Variants in STEAP3 observed in about 807,000 individuals in gnomAD.
STEAP3 encodes the protein metalloreductase STEAP3.
Under a neutral mutation model 34.9 loss-of-function variants are expected in STEAP3, and 35 were observed. That is an observed-to-expected ratio of 1.00 (90% CI 0.76 to 1.33). STEAP3 has a LOEUF of 1.33. Among genes scored for constraint, STEAP3 ranks in the 40% most tolerant of loss-of-function variants. The probability of loss-of-function intolerance (pLI) is 0.00; values close to 1 mark genes in which losing one functional copy is unlikely to be tolerated. For missense variants in STEAP3, 652 were observed against 667.6 expected (o/e 0.98, Z 0.26); for synonymous variants, 281 against 301.6 (o/e 0.93, Z 0.71).
At chr2:119,251,050 C>A (rs911253413) in intron 4 of STEAP3, among the ~76,000 whole-genome samples, 4 of 152,150 alleles carry the variant, frequency 2.6e-5, no homozygotes, top group Non-Finnish European at 5.9e-5. Flanking sequence ...GGGAGGTGCC[C>A]AAGCCTGGGC....
rs1350085938 is a variant in STEAP3, at chr2:119,248,774, G to A, written c.1050+568G>A. On this transcript the variant is annotated intron_variant, in intron 4 of 5. Coordinates refer to ENST00000393110, the MANE Select transcript of STEAP3 (RefSeq NM_182915.3). The stretch of plus-strand genomic sequence containing the variant: ...AGAGCTTCAGCCTTAGGCTCCGAGT[G>A]AAATAGGGAGCTGGTGAAGGTTTGA... The A allele has an allele frequency of 2.6e-5, 4 of 152,674 alleles. No homozygotes were observed. The East Asian group carries it at 7.7e-4, about 29-fold the overall frequency. The allele number at this position is 152,674 out of a possible 1,614,324, so 9.5% of individuals were successfully genotyped here. A position where few individuals can be genotyped will look rare whatever the true frequency, so the allele number is the denominator to read the frequency against.
intron 1 of STEAP3, among the ~76,000 whole-genome samples, chr2:119,228,040 G>A (rs1679096999): frequency 6.6e-6 from 1 of 152,060 alleles, no homozygotes; most frequent in African/African-American, 2.4e-5. Context: ...ATGTTGGCCA[G>A]GCTGGTTTTG....
chr2:119,254,547 C>T (rs1018726080), intron 4 of STEAP3, 137 bp from the exon 5 acceptor site: 15 of 919,122 alleles, frequency 1.6e-5, no homozygotes, highest in Admixed American at 8.6e-5. Context: ...GCCTGAGAAA[C>T]GCTTATCACA....
At position 119,247,769 on chromosome 2, in the gene STEAP3, C is replaced by G. The variant is rs528158589; in HGVS notation, c.613C>G (p.Leu205Val). ...CTTCATGCCCGTGGACATGGGATCC[C>G]TGGCGTCAGCCTGGGAGGTGGAGGC... The part of the protein sequence containing the change: ...MGFMPVDMGS[L>V]ASAWEVEAMP... Residue 205 changes from leucine (L) to valine (V), a missense_variant, in exon 4 of 6, where the codon CTG becomes GTG. Leu to Val is a conservative substitution (Grantham distance 32). Transcript: ENST00000393110. 8 of 1,606,662 alleles carry G rather than the reference C, an allele frequency of 5.0e-6. No homozygotes were observed. In the East Asian group the frequency reaches 1.8e-4, roughly 36 times the overall value.
intron 4 of STEAP3, among the ~76,000 whole-genome samples, chr2:119,250,272 C>A (rs1409918282): frequency 6.6e-6 from 1 of 152,246 alleles, no homozygotes; most frequent in Admixed American, 6.5e-5. Context: ...CACAGACCAT[C>A]TGGCTCCTCG....
rs1256805071 is a variant in STEAP3, at chr2:119,246,086, A to C, written c.522+98A>C. ...ATGCTCTTTTTGATATGTTATCATA[A>C]CTAATCCTGCATCACTGCAAAATTC... is the stretch of plus-strand genomic sequence containing the variant. On this transcript the variant is annotated intron_variant, in intron 3 of 5. Transcript: ENST00000393110. The C allele has an allele frequency of 6.2e-6, 9 of 1,449,558 alleles. No individual in the cohort carries two copies. The East Asian group carries it at 1.8e-4, about 29-fold the overall frequency. 89.8% of individuals were successfully genotyped at this position (1,449,558 alleles called of 1,614,324 possible).
intron 1 of STEAP3, among the ~76,000 whole-genome samples, chr2:119,226,351 G>A (rs1679040278): frequency 6.6e-6 from 1 of 152,222 alleles, no homozygotes; most frequent in Non-Finnish European, 1.5e-5. Flanking sequence ...AGCAGGTTGA[G>A]CACTATGAAA....
chr2:119,225,939 C>T lies in STEAP3; in HGVS notation c.-394+2051C>T, dbSNP rs536323588. On this transcript the variant is annotated intron_variant, in intron 1 of 5. Coordinates refer to ENST00000393110, the MANE Select transcript of STEAP3 (RefSeq NM_182915.3). Reference sequence around the variant, plus strand: ...TAGGAGTGCAGTAAATATCGGATCCCTCCTTCTTCACCTCAGGTTTGCGAG... The same window carrying T: ...TAGGAGTGCAGTAAATATCGGATCCTTCCTTCTTCACCTCAGGTTTGCGAG... 2.3e-3 allele frequency among the ~76,000 whole-genome samples: 347 copies of T among 152,354 alleles called. 2 individuals carry two copies. The highest frequency in any genetic ancestry group is 8.0e-3 in the African/African-American group (332 of 41,584).
At chr2:119,260,946 A>G (rs1189902540) in intron 5 of STEAP3, among the ~76,000 whole-genome samples, 2 of 152,226 alleles carry the variant, frequency 1.3e-5, no homozygotes, top group Non-Finnish European at 2.9e-5. Flanking sequence ...GTGAGGAAGG[A>G]TAGAGAAGGT....
chr2:119,232,269 G>T (rs1471791447), intron 2 of STEAP3, among the ~76,000 whole-genome samples: 1 of 152,162 alleles, frequency 6.6e-6, no homozygotes, highest in Non-Finnish European at 1.5e-5. Context: ...AGTGGATCCG[G>T]GGCAGGCAAG....
chr2:119,243,500 C>T (rs372695642), intron 2 of STEAP3, among the ~76,000 whole-genome samples: 2 of 152,212 alleles, frequency 1.3e-5, no homozygotes, highest in East Asian at 1.9e-4. Flanking sequence ...CCTCAGTTCC[C>T]TCCTCTGTAA....
chr2:119,235,800 G>T (rs1677077899), intron 2 of STEAP3, among the ~76,000 whole-genome samples: 1 of 152,168 alleles, frequency 6.6e-6, no homozygotes, highest in African/African-American at 2.4e-5. Flanking sequence ...TCCTTGCAAG[G>T]GTAAGTGGCC....
At chr2:119,245,353 C>T in intron 2 of STEAP3, 136 bp from the exon 3 acceptor site, 3 of 1,290,940 alleles carry the variant, frequency 2.3e-6, no homozygotes. Flanking sequence ...CTGGTGCTGA[C>T]ACGTGGTAGC....
intron 1 of STEAP3, among the ~76,000 whole-genome samples, chr2:119,227,627 G>A (rs945592425): frequency 5.3e-5 from 8 of 151,986 alleles, no homozygotes; most frequent in African/African-American, 2.4e-5. Context: ...TATTAAACAC[G>A]TTAAAAAAAT....
chr2:119,263,205 C>T lies in STEAP3; in HGVS notation c.1364C>T (p.Ala455Val), dbSNP rs754125354. The change falls in exon 6 of 6, where the codon GCC becomes GTC. Residue 455 changes from alanine to valine, a missense_variant. Physicochemically the swap from Ala to Val is moderately conservative, Grantham distance 64. Transcript: ENST00000393110. The stretch of plus-strand genomic sequence containing the variant: ...CTGGTGCCCTGCGTCGTCATCCTGG[C>T]CAAAGCCCTGTTTCTCCTGCCCTGC... The part of the protein sequence containing the change: ...TLLVPCVVIL[A>V]KALFLLPCIS... 18 of 1,614,068 alleles carry T rather than the reference C, an allele frequency of 1.1e-5. No individual in the cohort carries two copies. The highest frequency in any genetic ancestry group is 1.7e-5 in the Admixed American group (1 of 60,006).
intron 5 of STEAP3, chr2:119,257,529 C>G: frequency 2.6e-6 from 4 of 1,544,804 alleles, no homozygotes; most frequent in Non-Finnish European, 3.5e-6. Context: ...CCAAGACCCC[C>G]ACTTACCTGC....
intron 2 of STEAP3, among the ~76,000 whole-genome samples, chr2:119,240,842 G>A (rs924587224): frequency 1.3e-5 from 2 of 152,122 alleles, no homozygotes; most frequent in Non-Finnish European, 2.9e-5. Flanking sequence ...AGGGAGCCAG[G>A]GCCCAGACAG....
intron 2 of STEAP3, among the ~76,000 whole-genome samples, chr2:119,240,686 A>G (rs542708785): frequency 6.6e-6 from 1 of 152,364 alleles, no homozygotes; most frequent in South Asian, 2.1e-4. Flanking sequence ...CCCAGAGGGG[A>G]CCAGGACACC....
At position 119,230,402 on chromosome 2, in the gene STEAP3, T is replaced by A. The variant is rs534863700; in HGVS notation, c.-393-218T>A. ...CCGTCTTTCTCCCCACTGTGAGCAC[T>A]GACAAGCAAGTAAAGATGACAATGA... On this transcript the variant is annotated intron_variant, in intron 1 of 5. Transcript: ENST00000393110. Among the ~76,000 whole-genome samples the A allele has an allele frequency of 1.7e-4, 26 of 152,260 alleles. 1 individual carries two copies. In the South Asian group the frequency reaches 4.8e-3, roughly 28 times the overall value.
Sources: gnomAD v4.1 joint callset for allele counts (sites outside exome capture counted in the v4.1 genomes callset) on GRCh38, gnomAD v4.1.1 for gene constraint, MANE v1.5 for transcripts, NCBI Gene and HGNC (gene_info 2026-07-23, HGNC 2026-07-21) for gene names.